Variants in KCND2 observed in about 807,000 individuals in gnomAD.
KCND2 encodes the protein A-type voltage-gated potassium channel KCND2.
In KCND2, 16 loss-of-function variants were observed where a neutral mutation model predicts 54.4. That is an observed-to-expected ratio of 0.29 (90% CI 0.20 to 0.45). The LOEUF (loss-of-function observed/expected upper bound fraction) is 0.45. Among genes scored for constraint, KCND2 ranks in the 20% least tolerant of loss-of-function variants. The pLI is 1.00. For missense variants in KCND2, 486 were observed against 824.2 expected (o/e 0.59, Z 5.02); for synonymous variants, 317 against 310.7 (o/e 1.02, Z -0.21).
chr7:120,719,023 G>T (rs1418111020), intron 1 of KCND2, among the ~76,000 whole-genome samples: 2 of 152,042 alleles, frequency 1.3e-5, no homozygotes. Flanking sequence ...TTCAATTTGT[G>T]ATCAGCATCA....
At chr7:120,435,296 G>A (rs1283195185) in intron 1 of KCND2, among the ~76,000 whole-genome samples, 1 of 141,326 alleles carries the variant, frequency 7.1e-6, no homozygotes, top group African/African-American at 2.6e-5. Flanking sequence ...TTAATTTTTA[G>A]TAGAGACAGG....
At chr7:120,294,045 T>G (rs1250576184) in intron 1 of KCND2, among the ~76,000 whole-genome samples, 2 of 151,952 alleles carry the variant, frequency 1.3e-5, no homozygotes, top group Non-Finnish European at 2.9e-5. Flanking sequence ...ATTTGCAAAG[T>G]TTAAGATTTC....
intron 1 of KCND2, among the ~76,000 whole-genome samples, chr7:120,329,032 C>T (rs141564990): frequency 1.4e-4 from 21 of 151,860 alleles, no homozygotes; most frequent in African/African-American, 5.1e-4. Flanking sequence ...AGATAATGGG[C>T]AGCTACTGCA....
At chr7:120,379,140 C>T (rs954605691) in intron 1 of KCND2, among the ~76,000 whole-genome samples, 3 of 151,916 alleles carry the variant, frequency 2.0e-5, no homozygotes, top group African/African-American at 7.2e-5. Flanking sequence ...CATCATAGCC[C>T]AGGAAAGTAA....
At chr7:120,288,670 A>G (rs561977527) in intron 1 of KCND2, among the ~76,000 whole-genome samples, 2 of 152,248 alleles carry the variant, frequency 1.3e-5, no homozygotes, top group South Asian at 4.1e-4. Flanking sequence ...GGCTGATTGA[A>G]GATTAATATG....
At chr7:120,564,244 A>G (rs1424538717) in intron 1 of KCND2, among the ~76,000 whole-genome samples, 1 of 152,184 alleles carries the variant, frequency 6.6e-6, no homozygotes, top group Non-Finnish European at 1.5e-5. Context: ...TTGTGAAAGC[A>G]ATATCACAGA....
At chr7:120,383,762 C>T (rs770949242) in intron 1 of KCND2, among the ~76,000 whole-genome samples, 8 of 152,184 alleles carry the variant, frequency 5.3e-5, no homozygotes, top group Non-Finnish European at 7.4e-5. Flanking sequence ...CAGTGTAAAG[C>T]TTAACTACAG....
intron 1 of KCND2, among the ~76,000 whole-genome samples, chr7:120,389,176 G>T (rs1801036886): frequency 6.6e-6 from 1 of 151,786 alleles, no homozygotes; most frequent in African/African-American, 2.4e-5. Flanking sequence ...CTTTTGGTAG[G>T]ATAGGCTTAC....
chr7:120,579,329 G>T (rs1266734063), intron 1 of KCND2, among the ~76,000 whole-genome samples: 1 of 151,682 alleles, frequency 6.6e-6, no homozygotes, highest in African/African-American at 2.4e-5. Flanking sequence ...ATTGGTCTGG[G>T]CACGGTGGCT....
At chr7:120,278,757 A>C in intron 1 of KCND2, among the ~76,000 whole-genome samples, 1 of 151,862 alleles carries the variant, frequency 6.6e-6, no homozygotes, top group East Asian at 1.9e-4. Flanking sequence ...TCATTACTTA[A>C]TCTATCAGAA....
At chr7:120,304,005 T>A (rs777927937) in intron 1 of KCND2, among the ~76,000 whole-genome samples, 1 of 152,180 alleles carries the variant, frequency 6.6e-6, no homozygotes, top group Non-Finnish European at 1.5e-5. Context: ...AGTTGCATTA[T>A]TGAAGCTTTT....
intron 1 of KCND2, among the ~76,000 whole-genome samples, chr7:120,306,893 G>C (rs949213212): frequency 2.6e-5 from 4 of 151,986 alleles, no homozygotes; most frequent in Non-Finnish European, 4.4e-5. Context: ...CTGTCATACA[G>C]ATTGTGAACC....
chr7:120,708,269 T>C (rs1041217208), intron 1 of KCND2, among the ~76,000 whole-genome samples: 2 of 152,128 alleles, frequency 1.3e-5, no homozygotes, highest in African/African-American at 4.8e-5. Flanking sequence ...GTGACAAGTA[T>C]ACTCAGACCA....
intron 1 of KCND2, among the ~76,000 whole-genome samples, chr7:120,666,877 A>G (rs1791933695): frequency 6.6e-6 from 1 of 152,142 alleles, no homozygotes; most frequent in Non-Finnish European, 1.5e-5. Context: ...TAGTTAGGAA[A>G]TTAAGCGTAA....
intron 1 of KCND2, among the ~76,000 whole-genome samples, chr7:120,647,133 T>A (rs1302857068): frequency 6.6e-6 from 1 of 152,254 alleles, no homozygotes; most frequent in African/African-American, 2.4e-5. Flanking sequence ...TTCTGTTTTT[T>A]TCAGCCTAAT....
chr7:120,613,019 A>G (rs1360925533), intron 1 of KCND2, among the ~76,000 whole-genome samples: 1 of 152,082 alleles, frequency 6.6e-6, no homozygotes, highest in Admixed American at 6.5e-5. Context: ...AAAACACAAG[A>G]TATCCATAGA....
intron 1 of KCND2, among the ~76,000 whole-genome samples, chr7:120,708,266 G>A (rs1248801530): frequency 6.6e-6 from 1 of 152,100 alleles, no homozygotes; most frequent in East Asian, 1.9e-4. Context: ...CAGGTGACAA[G>A]TATACTCAGA....
chr7:120,354,166 T>A (rs1216591780), intron 1 of KCND2, among the ~76,000 whole-genome samples: 4 of 152,154 alleles, frequency 2.6e-5, no homozygotes, highest in Admixed American at 1.3e-4. Context: ...AACTGACATG[T>A]CAACTATGGT....
At chr7:120,592,989 G>C (rs925231045) in intron 1 of KCND2, among the ~76,000 whole-genome samples, 1 of 152,110 alleles carries the variant, frequency 6.6e-6, no homozygotes, top group Non-Finnish European at 1.5e-5. Context: ...GATATCTGTT[G>C]TCAAAACTTA....
Sources: allele counts gnomAD v4.1 joint callset (sites outside exome capture counted in the v4.1 genomes callset), GRCh38; gene constraint gnomAD v4.1.1; transcripts MANE v1.5; gene names NCBI Gene and HGNC (gene_info 2026-07-23, HGNC 2026-07-21).